Variants in SRGAP1 observed in about 807,000 individuals in gnomAD.
SRGAP1 encodes SLIT-ROBO Rho GTPase activating protein 1.
In SRGAP1, 43 loss-of-function variants were observed where a neutral mutation model predicts 121.9. The ratio of observed to expected loss-of-function variants is 0.35; its 90% CI spans 0.28 to 0.46. The LOEUF is 0.46. Among genes scored for constraint, SRGAP1 ranks in the 20% least tolerant of loss-of-function variants. SRGAP1 has a pLI of 1.00. For missense variants in SRGAP1, 1,102 were observed against 1,350.9 expected, an observed-to-expected ratio of 0.82 and a Z score of 2.89; for synonymous variants, 447 against 485.4, an observed-to-expected ratio of 0.92 and a Z score of 1.04.
chr12:64,013,862 C>T (rs1198372814), intron 3 of SRGAP1, among the ~76,000 whole-genome samples: 1 of 152,006 alleles, frequency 6.6e-6, no homozygotes, highest in African/African-American at 2.4e-5. Flanking sequence ...TCCAGGGTCA[C>T]CTGAAGGAAT....
intron 11 of SRGAP1, among the ~76,000 whole-genome samples, chr12:64,089,700 G>A (rs1333797846): frequency 6.6e-6 from 1 of 152,154 alleles, no homozygotes; most frequent in African/African-American, 2.4e-5. Context: ...CATGTTGCCT[G>A]GTAGAAGTTT....
At chr12:64,101,425 T>C (rs762046469) in intron 15 of SRGAP1, among the ~76,000 whole-genome samples, 1 of 151,984 alleles carries the variant, frequency 6.6e-6, no homozygotes, top group African/African-American at 2.4e-5. Context: ...TACAAATATA[T>C]GTAGTCAAAG....
intron 1 of SRGAP1, among the ~76,000 whole-genome samples, chr12:63,968,948 A>G (rs943152897): frequency 6.6e-5 from 10 of 152,146 alleles, no homozygotes; most frequent in South Asian, 2.1e-4. Context: ...GCCGGCAGCC[A>G]AGAGAACATC....
intron 1 of SRGAP1, among the ~76,000 whole-genome samples, chr12:63,956,186 G>A (rs190582482): frequency 6.6e-6 from 1 of 151,992 alleles, no homozygotes; most frequent in African/African-American, 2.4e-5. Flanking sequence ...GTACTTTTCT[G>A]TGAAAAGTAC....
At chr12:64,139,343 G>T (rs1309693278) in intron 21 of SRGAP1, among the ~76,000 whole-genome samples, 1 of 152,208 alleles carries the variant, frequency 6.6e-6, no homozygotes, top group Non-Finnish European at 1.5e-5. Flanking sequence ...CAAGTGTGTA[G>T]TAAGTGCTCA....
chr12:64,044,772 C>G (rs1301323378), intron 6 of SRGAP1, among the ~76,000 whole-genome samples: 2 of 146,146 alleles, frequency 1.4e-5, no homozygotes, highest in African/African-American at 5.0e-5. Flanking sequence ...CCTCTGCCTC[C>G]TGGGTTCAAG....
chr12:63,876,142 T>C (rs1040735261), intron 1 of SRGAP1, among the ~76,000 whole-genome samples: 3 of 152,180 alleles, frequency 2.0e-5, no homozygotes, highest in African/African-American at 4.8e-5. Context: ...ACTGAAAAGA[T>C]TGAAGAAATG....
intron 14 of SRGAP1, among the ~76,000 whole-genome samples, chr12:64,096,381 A>G (rs894864985): frequency 3.9e-5 from 6 of 152,218 alleles, no homozygotes; most frequent in Non-Finnish European, 5.9e-5. Flanking sequence ...TGCAATGCAC[A>G]CTTTTTGTGA....
chr12:63,900,204 CTT>C (rs67622101), intron 1 of SRGAP1, among the ~76,000 whole-genome samples: 6 of 87,582 alleles, frequency 6.9e-5, no homozygotes, highest in Admixed American at 1.3e-4. Context: ...TTTTCTTTTT[CTT>C]TTTTTTTTTT....
In SRGAP1 at chr12:63,962,075, T is replaced by C. The variant is rs1269788143; in HGVS notation, c.68-21872T>C. Among the ~76,000 whole-genome samples, 5 of 152,328 alleles carry C rather than the reference T, an allele frequency of 3.3e-5. No homozygotes were observed. In the South Asian group the frequency reaches 8.3e-4, roughly 25 times the overall value. On this transcript the variant is annotated intron_variant, in intron 1 of 21. Transcript: ENST00000355086. Reference sequence around the variant, plus strand: ...CCCACATTTTCTCCCACTGCTTCCCTCTGTGTGGTTACACTGGGTGCCCAT... The same window carrying C: ...CCCACATTTTCTCCCACTGCTTCCCCCTGTGTGGTTACACTGGGTGCCCAT...
At chr12:64,128,979 C>T (rs1297996408) in intron 21 of SRGAP1, among the ~76,000 whole-genome samples, 1 of 152,056 alleles carries the variant, frequency 6.6e-6, no homozygotes, top group African/African-American at 2.4e-5. Flanking sequence ...AACATATGTT[C>T]GTAGGCCTAG....
intron 1 of SRGAP1, among the ~76,000 whole-genome samples, chr12:63,876,463 T>C (rs568474715): frequency 6.6e-6 from 1 of 152,358 alleles, no homozygotes; most frequent in South Asian, 2.1e-4. Context: ...ATCTTTATTA[T>C]GTAATTTGAA....
intron 1 of SRGAP1, among the ~76,000 whole-genome samples, chr12:63,899,339 A>G (rs1424126387): frequency 6.7e-6 from 1 of 148,912 alleles, no homozygotes; most frequent in African/African-American, 2.4e-5. Flanking sequence ...CCTGTCTCCA[A>G]AAAAAAAAAG....
intron 1 of SRGAP1, among the ~76,000 whole-genome samples, chr12:63,867,843 TA>T (rs1202232216): frequency 2.7e-5 from 4 of 150,832 alleles, no homozygotes; most frequent in African/African-American, 4.9e-5. Context: ...AAGCAAACAC[TA>T]AAAAAAATGT....
At chr12:63,845,570 T>C (rs2136248028) in intron 1 of SRGAP1, among the ~76,000 whole-genome samples, 1 of 152,308 alleles carries the variant, frequency 6.6e-6, no homozygotes, top group South Asian at 2.1e-4. Flanking sequence ...GGTTTGAATA[T>C]TTGAGTAGTA....
At chr12:63,973,530 T>A (rs565732558) in intron 1 of SRGAP1, among the ~76,000 whole-genome samples, 1 of 152,290 alleles carries the variant, frequency 6.6e-6, no homozygotes, top group South Asian at 2.1e-4. Flanking sequence ...ATAAACTGTA[T>A]CAAGTACTTA....
In SRGAP1 at chr12:64,033,899, A is replaced by G. The variant is rs528287833; in HGVS notation, c.490-8891A>G. On this transcript the variant is annotated intron_variant, in intron 4 of 21. Coordinates refer to ENST00000355086, the MANE Select transcript of SRGAP1 (RefSeq NM_020762.4). ...GCCACTCACAGTGGCAGGCGCCTGT[A>G]ATCCCAGCTACTCAGGAGGCTGAGG... is the stretch of plus-strand genomic sequence containing the variant. Among the ~76,000 whole-genome samples the G allele has an allele frequency of 2.3e-3, 340 of 151,050 alleles. 4 individuals carry two copies. The highest frequency in any genetic ancestry group is 7.9e-3 in the African/African-American group (324 of 41,078).
At chr12:64,086,853 A>G (rs1011974203) in intron 10 of SRGAP1, 146 bp from the exon 11 acceptor site, 1 of 605,250 alleles carries the variant, frequency 1.7e-6, no homozygotes, top group Non-Finnish European at 2.9e-6. Context: ...CTATCTTCAT[A>G]TGCTATCCTC....
At chr12:63,856,252 C>CTAAATAAATAAATAAA (rs79879818) in intron 1 of SRGAP1, among the ~76,000 whole-genome samples, 1 of 146,286 alleles carries the variant, frequency 6.8e-6, no homozygotes, top group Non-Finnish European at 1.5e-5. Context: ...AACTCCGTCT[C>CTAAATAAATAAATAAA]TAAATAAATA....
Sources: gnomAD v4.1 joint callset for allele counts (sites outside exome capture counted in the v4.1 genomes callset) on GRCh38, gnomAD v4.1.1 for gene constraint, MANE v1.5 for transcripts, NCBI Gene and HGNC (gene_info 2026-07-23, HGNC 2026-07-21) for gene names.